DNAH9: variants seen among roughly 807,000 people sequenced by gnomAD.
The protein encoded by DNAH9 is dynein axonemal heavy chain 9.
Under a neutral mutation model 471.6 loss-of-function variants are expected in DNAH9, and 345 were observed. The observed-to-expected ratio is 0.73, with a 90% CI of 0.67 to 0.80. The LOEUF is 0.80. Ranked by LOEUF, DNAH9 falls within the 30% of genes least tolerant of loss-of-function variation. DNAH9 has a pLI of 0.00. For missense variants in DNAH9, 5,407 were observed against 5,609.2 expected, an observed-to-expected ratio of 0.96 and a Z score of 1.15; for synonymous variants, 2,093 against 2,123.6, an observed-to-expected ratio of 0.99 and a Z score of 0.40.
Position 11,947,389 on chromosome 17 carries a change from C to T in DNAH9, c.12843+4904C>T, listed in dbSNP as rs1405862505. 6.6e-5 allele frequency among the ~76,000 whole-genome samples: 10 copies of T among 152,312 alleles called. No individual in the cohort carries two copies. The East Asian group carries it at 1.7e-3, about 26-fold the overall frequency. The stretch of plus-strand genomic sequence containing the variant: ...CCCTATGTAGGAAAACTACAGAAGA[C>T]AAGTTCTTAGACTTTTAATGCCCAA... On this transcript the variant is annotated intron_variant, in intron 67 of 68. Coordinates refer to ENST00000262442, the MANE Select transcript of DNAH9 (RefSeq NM_001372.4).
chr17:11,914,188 A>G (rs1021864887), intron 61 of DNAH9, among the ~76,000 whole-genome samples: 42 of 152,216 alleles, frequency 2.8e-4, no homozygotes, highest in Non-Finnish European at 4.4e-5. Context: ...AGTTTGCTTT[A>G]TAGGTGATGA....
At chr17:11,900,495 T>G in intron 59 of DNAH9, among the ~76,000 whole-genome samples, 2 of 41,466 alleles carry the variant, frequency 4.8e-5, no homozygotes, top group Admixed American at 3.9e-4. Flanking sequence ...TCTTGATCCT[T>G]CCCCTGCCAA....
intron 19 of DNAH9, among the ~76,000 whole-genome samples, chr17:11,685,257 A>G (rs2074220647): frequency 6.6e-6 from 1 of 152,148 alleles, no homozygotes; most frequent in African/African-American, 2.4e-5. Context: ...GGGGGAAAAA[A>G]AACAGTTACA....
intron 28 of DNAH9, among the ~76,000 whole-genome samples, chr17:11,734,298 C>G (rs1405017045): frequency 6.6e-6 from 1 of 152,180 alleles, no homozygotes; most frequent in African/African-American, 2.4e-5. Context: ...ACAGTCATCT[C>G]AACCCTGGCT....
In DNAH9 at chr17:11,763,594, G is replaced by A. The variant is rs267604735; in HGVS notation, c.7150G>A (p.Gly2384Arg). The change falls in exon 36 of 69, where the codon GGA (glycine) becomes AGA (arginine). Residue 2384 changes from glycine (G) to arginine (R), a missense_variant. This residue lies in a region of DNAH9 where 4,636 missense variants were observed against 4,900.3 expected (regional missense o/e 0.95). Coordinates refer to ENST00000262442, the MANE Select transcript of DNAH9 (RefSeq NM_001372.4). ...FVFAAIWAFG[G>R]AMVQDQLVDY... ...GTTTGCTGCCATCTGGGCTTTCGGC[G>A]GAGCAATGGTCCAAGATCAGGTAAG... 26 of 1,614,032 alleles carry A rather than the reference G, an allele frequency of 1.6e-5. No individual in the cohort carries two copies. Among genetic ancestry groups the A allele is most frequent in the Admixed American group, 6.7e-5 (4 of 60,014 alleles).
In DNAH9 at chr17:11,781,840, A is replaced by C. The variant is rs568439506; in HGVS notation, c.7718+666A>C. ...GAGCGAGACTCCATCTTAAAAAAAAAAAACAAACAAAAAAAAAACTACCAA... is the reference window on the plus strand; with the variant it reads ...GAGCGAGACTCCATCTTAAAAAAAACAAACAAACAAAAAAAAAACTACCAA... On this transcript the variant is annotated intron_variant, in intron 39 of 68. Transcript: ENST00000262442. Among the ~76,000 whole-genome samples, 268 of 146,416 alleles carry C rather than the reference A, an allele frequency of 1.8e-3. 4 individuals carry two copies. Among genetic ancestry groups the C allele is most frequent in the East Asian group, 5.1e-3 (26 of 5,054 alleles).
rs1338541430 is a variant in DNAH9, at chr17:11,629,557, C to T, written c.1491C>T (p.Ser497=). ...TGTACAGGCTTCTCTCAGGATCCTCCTCCGACTGCCTGTACCTCCAAAGCA... is the reference window on the plus strand; with the variant it reads ...TGTACAGGCTTCTCTCAGGATCCTCTTCCGACTGCCTGTACCTCCAAAGCA... ...QEMYRLLSGS[S]SDCLYLQSTD... The change falls in exon 7 of 69, where the codon TCC becomes TCT. Residue 497 remains serine (S), a synonymous_variant. Transcript: ENST00000262442. 2 of 1,613,900 alleles carry T rather than the reference C, an allele frequency of 1.2e-6. No homozygotes were observed. Among genetic ancestry groups the T allele is most frequent in the Non-Finnish European group, 8.5e-7 (1 of 1,179,976 alleles).
At chr17:11,902,008 A>G (rs1464899291) in intron 59 of DNAH9, among the ~76,000 whole-genome samples, 1 of 152,230 alleles carries the variant, frequency 6.6e-6, no homozygotes, top group Non-Finnish European at 1.5e-5. Context: ...CCAGCACAAG[A>G]AAAGGAAGAA....
In DNAH9 at chr17:11,738,625, C is replaced by T. The variant is rs568469958; in HGVS notation, c.5815-255C>T. ...TGAACTCTTGACCTCGAGTGATCTG[C>T]CCGCCTTGGCCTCCCAAAGCACTGG... On this transcript the variant is annotated intron_variant, in intron 28 of 68. Transcript: ENST00000262442. 5.3e-5 allele frequency among the ~76,000 whole-genome samples: 8 copies of T among 152,298 alleles called. No homozygotes were observed. The South Asian group carries it at 1.7e-3, about 32-fold the overall frequency.
At position 11,643,320 on chromosome 17, in the gene DNAH9, CAT is replaced by C. The variant is rs376777384; in HGVS notation, c.1902-1310_1902-1309del. Among the ~76,000 whole-genome samples the C allele has an allele frequency of 4.7e-3, 723 of 152,232 alleles. 5 individuals are homozygous for C. The highest frequency in any genetic ancestry group is 0.017 in the African/African-American group (688 of 41,538). ...TTCATGTATGTGTATTACATGTGCACATGTTTCAGGGGTAAGAGCTGGGAGGG... is the reference window on the plus strand; with the variant it reads ...TTCATGTATGTGTATTACATGTGCACGTTTCAGGGGTAAGAGCTGGGAGGG... On this transcript the variant is annotated intron_variant, in intron 10 of 68. Transcript: ENST00000262442.
At chr17:11,917,464 A>G (rs562725118) in intron 61 of DNAH9, among the ~76,000 whole-genome samples, 3 of 152,104 alleles carry the variant, frequency 2.0e-5, no homozygotes, top group East Asian at 3.9e-4. Flanking sequence ...GCTGGCCTCT[A>G]TTTTAACACG....
chr17:11,683,268 G>T (rs2074169081), intron 19 of DNAH9, among the ~76,000 whole-genome samples: 1 of 152,164 alleles, frequency 6.6e-6, no homozygotes, highest in African/African-American at 2.4e-5. Context: ...CCGCCTCCTG[G>T]ATTCAAGTGA....
At chr17:11,778,329 C>CAAAAAAAAAAAAA (rs57983162) in intron 38 of DNAH9, among the ~76,000 whole-genome samples, 1 of 48,636 alleles carries the variant, frequency 2.1e-5, no homozygotes, top group Non-Finnish European at 4.6e-5. Context: ...GACTCCATCT[C>CAAAAAAAAAAAAA]AAAAAAAAAA....
chr17:11,742,124 TCAA>T, intron 29 of DNAH9, 48 bp from the exon 30 acceptor site: 3 of 1,590,390 alleles, frequency 1.9e-6, no homozygotes, highest in Non-Finnish European at 1.7e-6. Flanking sequence ...AGTCTCCTCT[TCAA>T]CACTGTACTT....
intron 22 of DNAH9, among the ~76,000 whole-genome samples, chr17:11,695,317 A>G (rs2074456989): frequency 6.6e-6 from 1 of 152,216 alleles, no homozygotes; most frequent in Admixed American, 6.5e-5. Flanking sequence ...GAGGCTTGGC[A>G]GAGAATGCCT....
At chr17:11,798,432 C>CAA (rs71142247) in intron 43 of DNAH9, among the ~76,000 whole-genome samples, 145 of 61,558 alleles carry the variant, frequency 2.4e-3, no homozygotes, top group Non-Finnish European at 3.0e-3. Flanking sequence ...GACTCTGCCT[C>CAA]AAAAAAAAAA....
chr17:11,779,239 CAG>C (rs1968581525), intron 38 of DNAH9, among the ~76,000 whole-genome samples: 2 of 152,064 alleles, frequency 1.3e-5, no homozygotes, highest in South Asian at 4.2e-4. Context: ...TGAGAACAGT[CAG>C]AACCCAGAAG....
intron 50 of DNAH9, among the ~76,000 whole-genome samples, chr17:11,856,284 T>C (rs967832561): frequency 6.6e-6 from 1 of 152,164 alleles, no homozygotes; most frequent in Admixed American, 6.5e-5. Context: ...TTTTACAAGT[T>C]ATGAAAGGTA....
intron 50 of DNAH9, among the ~76,000 whole-genome samples, chr17:11,859,336 T>C (rs1339135470): frequency 7.0e-6 from 1 of 143,558 alleles, no homozygotes; most frequent in Non-Finnish European, 1.5e-5. Flanking sequence ...TGCTTGAACC[T>C]GGAAGGCAGA....
Sources: allele counts gnomAD v4.1 joint callset (sites outside exome capture counted in the v4.1 genomes callset), GRCh38; gene constraint gnomAD v4.1.1; regional missense constraint gnomAD v4.1.1; transcripts MANE v1.5; gene names NCBI Gene and HGNC (gene_info 2026-07-23, HGNC 2026-07-21).